The following NCKAP1L variants were observed in gnomAD, a reference collection of about 807,000 sequenced individuals.
The protein encoded by NCKAP1L is NCK associated protein 1 like.
A neutral mutation model predicts 139.2 loss-of-function variants in NCKAP1L; 53 were observed. The ratio of observed to expected loss-of-function variants is 0.38; its 90% CI spans 0.31 to 0.48. The LOEUF (loss-of-function observed/expected upper bound fraction) is 0.48, where lower values mean the gene tolerates loss of function less well. Ranked by LOEUF, NCKAP1L falls within the 20% of genes least tolerant of loss-of-function variation. NCKAP1L has a pLI of 0.98. For missense variants in NCKAP1L, 1,151 were observed against 1,381.9 expected, an observed-to-expected ratio of 0.83 and a Z score of 2.65; for synonymous variants, 468 against 499.7, an observed-to-expected ratio of 0.94 and a Z score of 0.85.
intron 3 of NCKAP1L, among the ~76,000 whole-genome samples, chr12:54,507,320 C>T (rs1421516925): frequency 6.6e-6 from 1 of 152,046 alleles, no homozygotes; most frequent in African/African-American, 2.4e-5. Flanking sequence ...GAATCCCTAT[C>T]ATACTAGAAT....
chr12:54,526,580 C>T lies in NCKAP1L; in HGVS notation c.2209C>T (p.Pro737Ser). 3.1e-6 allele frequency: 5 copies of T among 1,613,962 alleles called. No homozygotes were observed. The highest frequency in any genetic ancestry group is 1.6e-4 in the Middle Eastern group (1 of 6,062). Residue 737 changes from proline (P) to serine (S), a missense_variant, in exon 21 of 31, where the codon CCT (proline) becomes TCT (serine). By Grantham distance (74) the Pro-to-Ser change is moderately conservative. Transcript: ENST00000293373. ...TGCCACGACCCAGGAGATCGTACGG[C>T]CTTCTGAGCTGTTGGCAGGAGTCAA... ...YNATTQEIVR[P>S]SELLAGVKAY... is the part of the protein sequence containing the mutation.
chr12:54,499,668 T>G (rs1956781110), intron 2 of NCKAP1L, among the ~76,000 whole-genome samples: 1 of 152,186 alleles, frequency 6.6e-6, no homozygotes, highest in African/African-American at 2.4e-5. Context: ...ATGGGATTCT[T>G]CCAGCATAAG....
chr12:54,532,335 G>A lies in NCKAP1L; in HGVS notation c.2862+85G>A. 13 of 1,089,542 alleles carry A rather than the reference G, an allele frequency of 1.2e-5. No individual in the cohort carries two copies. The South Asian group carries it at 1.6e-4, about 13-fold the overall frequency. The allele number at this position is 1,089,542 out of a possible 1,614,324, so 67.5% of individuals were successfully genotyped here. A position where few individuals can be genotyped will look rare whatever the true frequency, so the allele number is the denominator to read the frequency against. ...GCTAGGATCTTGTAAGGGAGAGCGG[G>A]TTCTGAAGAACACCATAGGGATAAG... On this transcript the variant is annotated intron_variant, in intron 26 of 30. Coordinates refer to ENST00000293373, the MANE Select transcript of NCKAP1L (RefSeq NM_005337.5).
intron 5 of NCKAP1L, among the ~76,000 whole-genome samples, chr12:54,508,967 T>C (rs539848071): frequency 6.6e-6 from 1 of 152,312 alleles, no homozygotes; most frequent in East Asian, 1.9e-4. Flanking sequence ...ATTATTCAAT[T>C]TGCATCATCT....
chr12:54,529,203 C>T (rs917208758), intron 22 of NCKAP1L, among the ~76,000 whole-genome samples: 1 of 152,048 alleles, frequency 6.6e-6, no homozygotes, highest in Admixed American at 6.6e-5. Flanking sequence ...ACTTGGAGTT[C>T]GACTCCAGGC....
In NCKAP1L at chr12:54,531,695, C is replaced by G. The variant is rs1010664065; in HGVS notation, c.2699-48C>G. 3 of 1,603,520 alleles carry G rather than the reference C, an allele frequency of 1.9e-6. No homozygotes were observed. In the African/African-American group the frequency reaches 4.0e-5, roughly 21 times the overall value. On this transcript the variant is annotated intron_variant, in intron 24 of 30. Transcript: ENST00000293373. Reference sequence around the variant, plus strand: ...GGGGTCTGTAGAATCAAAATCATCACCAATCCCTCTCTAAATTATCTTTTC... The same window carrying G: ...GGGGTCTGTAGAATCAAAATCATCAGCAATCCCTCTCTAAATTATCTTTTC...
chr12:54,521,478 T>C (rs1418283212), intron 18 of NCKAP1L, among the ~76,000 whole-genome samples: 1 of 152,192 alleles, frequency 6.6e-6, no homozygotes. Flanking sequence ...ACAGCTGCAC[T>C]CCAACAAAAT....
In NCKAP1L at chr12:54,532,184, C is replaced by T. The variant is rs1421993972; in HGVS notation, c.2796C>T (p.His932=). 1.2e-6 allele frequency: 2 copies of T among 1,612,710 alleles called. No individual in the cohort carries two copies. The highest frequency in any genetic ancestry group is 2.2e-5 in the East Asian group (1 of 44,826). ...QEGLREVFSS[H]CPFLMGPIEC... ...CTTTCCTCCAGGTTTTCTCCTCCCA[C>T]TGCCCATTTCTTATGGGTCCCATTG... Residue 932 remains histidine (H), a synonymous_variant, in exon 26 of 31, where the codon CAC becomes CAT. Transcript: ENST00000293373.
chr12:54,528,317 G>A lies in NCKAP1L; in HGVS notation c.2446G>A (p.Val816Ile), dbSNP rs763605512. ...CCTCTCCCCAGCCATGCAGGCCTTC[G>A]TCAGCCTGCCCAGAGAAGGGGAGCA... is the stretch of plus-strand genomic sequence containing the variant. ...IILSPAMQAFVSLPREGEQNF... is the reference protein window; with the variant it reads ...IILSPAMQAFISLPREGEQNF... The change falls in exon 22 of 31, where the codon GTC becomes ATC. Residue 816 changes from valine to isoleucine, a missense_variant. Val to Ile is a conservative substitution (Grantham distance 29). Transcript: ENST00000293373. 4.1e-5 allele frequency: 66 copies of A among 1,613,872 alleles called. No individual in the cohort carries two copies. Among genetic ancestry groups the A allele is most frequent in the South Asian group, 3.6e-4 (33 of 91,074 alleles).
chr12:54,528,068 G>A (rs1242758096), intron 21 of NCKAP1L, among the ~76,000 whole-genome samples, 179 bp from the exon 22 acceptor site: 1 of 152,182 alleles, frequency 6.6e-6, no homozygotes, highest in African/African-American at 2.4e-5. Context: ...ACTGCCAGTT[G>A]TTTTTGATCC....
chr12:54,534,731 G>A (rs1014847893), intron 26 of NCKAP1L, among the ~76,000 whole-genome samples: 2 of 152,188 alleles, frequency 1.3e-5, no homozygotes, highest in Non-Finnish European at 2.9e-5. Flanking sequence ...GGAAAATGAA[G>A]TTGAAAAAGT....
chr12:54,518,013 G>T lies in NCKAP1L; in HGVS notation c.1338+75G>T. On this transcript the variant is annotated intron_variant, in intron 13 of 30. Transcript: ENST00000293373. ...TGATTTTCCTATTGAAACCACTCTGGCTGAATCTCATGCTCTGTAAGTTGG... is the reference window on the plus strand; with the variant it reads ...TGATTTTCCTATTGAAACCACTCTGTCTGAATCTCATGCTCTGTAAGTTGG... 12 of 1,556,816 alleles carry T rather than the reference G, an allele frequency of 7.7e-6. No homozygotes were observed. In the South Asian group the frequency reaches 1.4e-4, roughly 18 times the overall value.
At position 54,526,389 on chromosome 12, in the gene NCKAP1L, G is replaced by T. The variant is rs187998468; in HGVS notation, c.2157-139G>T. On this transcript the variant is annotated intron_variant, in intron 20 of 30. Transcript: ENST00000293373. ...GATAATAACTGTCTCTAGCTTATTA[G>T]GTTACTATGAGGTTTACATGAGATA... 125 of 656,594 alleles carry T rather than the reference G, an allele frequency of 1.9e-4. No homozygotes were observed. The African/African-American group carries it at 2.0e-3, about 11-fold the overall frequency. The allele number at this position is 656,594 out of a possible 1,614,324, so 40.7% of individuals were successfully genotyped here.
rs1324976830 is a variant in NCKAP1L at position 54,517,809 on chromosome 12, C to T, written c.1209C>T (p.Ser403=). The T allele has an allele frequency of 1.9e-6, 3 of 1,613,984 alleles. No homozygotes were observed. The highest frequency in any genetic ancestry group is 2.5e-6 in the Non-Finnish European group (3 of 1,180,006). ...GTTCTCATCCTAAACTTTATAGGAGCATTGCAGAGCTACTTTTCTTGTTGG... is the reference window on the plus strand; with the variant it reads ...GTTCTCATCCTAAACTTTATAGGAGTATTGCAGAGCTACTTTTCTTGTTGG... The part of the protein sequence containing the change: ...TKTPEDYADS[S]IAELLFLLEG... Residue 403 remains serine, a synonymous_variant, in exon 13 of 31, where the codon AGC becomes AGT. Coordinates refer to ENST00000293373, the MANE Select transcript of NCKAP1L (RefSeq NM_005337.5).
chr12:54,509,918 G>T lies in NCKAP1L; in HGVS notation c.668G>T (p.Arg223Leu), dbSNP rs779642333. Reference protein sequence around the residue: ...VRRNQGAEQWRSAQLLSLISN... With the variant: ...VRRNQGAEQWLSAQLLSLISN... ...AGAAACCAGGGGGCTGAGCAGTGGCGCAGTGCCCAACTTCTAAGCCTCATC... is the reference window on the plus strand; with the variant it reads ...AGAAACCAGGGGGCTGAGCAGTGGCTCAGTGCCCAACTTCTAAGCCTCATC... The change falls in exon 7 of 31, where the codon CGC becomes CTC. Residue 223 changes from arginine (R) to leucine (L), a missense_variant. Arg to Leu is a moderately radical substitution (Grantham distance 102). Transcript: ENST00000293373. 1.2e-6 allele frequency: 2 copies of T among 1,614,066 alleles called. No homozygotes were observed. Among genetic ancestry groups the T allele is most frequent in the African/African-American group, 1.3e-5 (1 of 74,920 alleles).
chr12:54,536,262 T>A lies in NCKAP1L; in HGVS notation c.3073+17T>A. Reference sequence around the variant, plus strand: ...AGAAGGATGGTAAGTAAGGGGTAGGTTTGAGACACCAGTGCTATTCAAGTT... The same window carrying A: ...AGAAGGATGGTAAGTAAGGGGTAGGATTGAGACACCAGTGCTATTCAAGTT... On this transcript the variant is annotated intron_variant, in intron 28 of 30. Transcript: ENST00000293373. 1.3e-6 allele frequency: 2 copies of A among 1,531,860 alleles called. No homozygotes were observed. The highest frequency in any genetic ancestry group is 1.8e-6 in the Non-Finnish European group (2 of 1,106,718). 94.9% of individuals were successfully genotyped at this position (1,531,860 alleles called of 1,614,324 possible).
chr12:54,523,629 C>A, intron 19 of NCKAP1L, 90 bp downstream of exon 19: 1 of 1,508,096 alleles, frequency 6.6e-7, no homozygotes, highest in Non-Finnish European at 8.9e-7. Flanking sequence ...AAGAAAAGAG[C>A]GCAAGTCATG....
At position 54,542,802 on chromosome 12, in the gene NCKAP1L, G is replaced by A. The variant is rs1249455398; in HGVS notation, c.*117G>A. On this transcript the variant is annotated 3_prime_UTR_variant, in exon 31 of 31. Transcript: ENST00000293373. ...GGGGTGGGGTCACTAAGGAGAGAGG[G>A]TCAGGAGCCAGAGTTGATGAGCAGA... 1 of 689,828 alleles carries A rather than the reference G, an allele frequency of 1.4e-6. No homozygotes were observed. The highest frequency in any genetic ancestry group is 2.5e-6 in the Non-Finnish European group (1 of 393,266). 42.7% of individuals were successfully genotyped at this position (689,828 alleles called of 1,614,324 possible).
At position 54,497,863 on chromosome 12, in the gene NCKAP1L, T is replaced by C. The variant is rs1473183399; in HGVS notation, c.74T>C (p.Val25Ala). 2 of 1,610,398 alleles carry C rather than the reference T, an allele frequency of 1.2e-6. No homozygotes were observed. The highest frequency in any genetic ancestry group is 2.7e-5 in the African/African-American group (2 of 74,796). The change falls in exon 1 of 31, where the codon GTT (valine) becomes GCT (alanine). Residue 25 changes from valine to alanine, a missense_variant. Physicochemically the swap from Val to Ala is moderately conservative, Grantham distance 64 (BLOSUM62 0). Coordinates refer to ENST00000293373, the MANE Select transcript of NCKAP1L (RefSeq NM_005337.5). ...ATCCTGAATGATCGCGGTCAGGGGG[T>C]TCTCATCCGTATGTATAACATCAAG... ...LTILNDRGQG[V>A]LIRMYNIKKT...
Sources: allele counts gnomAD v4.1 joint callset (sites outside exome capture counted in the v4.1 genomes callset), GRCh38; gene constraint gnomAD v4.1.1; transcripts MANE v1.5; gene names NCBI Gene and HGNC (gene_info 2026-07-23, HGNC 2026-07-21).